Variants in TMTC2 observed in about 807,000 individuals in gnomAD.
TMTC2 encodes transmembrane O-mannosyltransferase targeting cadherins 2.
TMTC2 carries 43 observed loss-of-function variants against 82.4 expected under a neutral mutation model. The ratio of observed to expected loss-of-function variants is 0.52; its 90% CI spans 0.41 to 0.67. The LOEUF (loss-of-function observed/expected upper bound fraction) is 0.67, where lower values mean the gene tolerates loss of function less well. Ranked by LOEUF, TMTC2 falls within the 30% of genes least tolerant of loss-of-function variation. The probability of loss-of-function intolerance (pLI) is 0.00; values close to 1 mark genes in which losing one functional copy is unlikely to be tolerated. For missense variants in TMTC2, 919 were observed against 1,012.4 expected, an observed-to-expected ratio of 0.91 and a Z score of 1.25; for synonymous variants, 408 against 381.9, an observed-to-expected ratio of 1.07 and a Z score of -0.80.
At chr12:82,752,356 G>A (rs1876059292) in intron 1 of TMTC2, among the ~76,000 whole-genome samples, 1 of 151,928 alleles carries the variant, frequency 6.6e-6, no homozygotes, top group South Asian at 2.1e-4. Flanking sequence ...TCTGGTGGCT[G>A]GCGCTTGTAA....
intron 1 of TMTC2, among the ~76,000 whole-genome samples, chr12:82,774,752 T>C (rs1384212989): frequency 2.0e-5 from 3 of 151,602 alleles, no homozygotes; most frequent in African/African-American, 7.3e-5. Flanking sequence ...CAGTCTGGGC[T>C]ATACCGAGGT....
At chr12:82,831,921 T>A (rs145214438) in intron 1 of TMTC2, among the ~76,000 whole-genome samples, 1 of 152,236 alleles carries the variant, frequency 6.6e-6, no homozygotes, top group East Asian at 1.9e-4. Flanking sequence ...GGCCGAAAAA[T>A]GTGCTAAGAA....
At chr12:83,006,307 T>G (rs995835699) in intron 8 of TMTC2, among the ~76,000 whole-genome samples, 2 of 152,226 alleles carry the variant, frequency 1.3e-5, no homozygotes, top group Admixed American at 6.5e-5. Context: ...TATGTTGATT[T>G]GCTCCATATT....
At chr12:82,880,025 C>T (rs1318498648) in intron 2 of TMTC2, among the ~76,000 whole-genome samples, 1 of 152,168 alleles carries the variant, frequency 6.6e-6, no homozygotes, top group Non-Finnish European at 1.5e-5. Flanking sequence ...TATCTGGTCT[C>T]TCACAGAAAA....
intron 1 of TMTC2, among the ~76,000 whole-genome samples, chr12:82,749,739 CTTTT>C (rs71068950): frequency 7.9e-6 from 1 of 127,132 alleles, no homozygotes; most frequent in Non-Finnish European, 1.6e-5. Flanking sequence ...TTCTTTCTTT[CTTTT>C]TTTTTTTTTT....
chr12:82,955,228 A>G (rs7971263), intron 4 of TMTC2, among the ~76,000 whole-genome samples: 104,587 of 151,698 alleles, frequency 0.69, 37,638 homozygotes, highest in South Asian at 0.84. Context: ...TGTGACAAGC[A>G]TAAATGTGTC....
At chr12:82,916,787 G>A (rs541337890) in intron 3 of TMTC2, among the ~76,000 whole-genome samples, 19 of 152,092 alleles carry the variant, frequency 1.2e-4, no homozygotes, top group African/African-American at 2.9e-4. Flanking sequence ...TTGGGAATAC[G>A]TTTAGTTTCA....
intron 8 of TMTC2, among the ~76,000 whole-genome samples, chr12:82,995,228 C>G (rs1224079466): frequency 1.3e-5 from 2 of 152,066 alleles, no homozygotes; most frequent in African/African-American, 4.8e-5. Flanking sequence ...AGTGATGGTA[C>G]AGACAATATA....
intron 1 of TMTC2, among the ~76,000 whole-genome samples, chr12:82,841,507 C>T (rs1870333130): frequency 6.6e-6 from 1 of 152,144 alleles, no homozygotes; most frequent in Admixed American, 6.5e-5. Flanking sequence ...GTGTTTTCCT[C>T]CTTGCCTATC....
chr12:83,045,974 C>CA (rs1403894920), intron 9 of TMTC2, among the ~76,000 whole-genome samples: 1 of 152,112 alleles, frequency 6.6e-6, no homozygotes, highest in South Asian at 2.1e-4. Flanking sequence ...AACCCCAAGT[C>CA]AAAAGGTCAA....
chr12:82,801,398 A>G (rs2137036273), intron 1 of TMTC2, among the ~76,000 whole-genome samples: 1 of 152,222 alleles, frequency 6.6e-6, no homozygotes, highest in Middle Eastern at 3.4e-3. Context: ...AAAGAGCGAA[A>G]GAACAAAGCT....
intron 2 of TMTC2, among the ~76,000 whole-genome samples, chr12:82,860,678 G>T (rs1871496528): frequency 6.6e-6 from 1 of 152,208 alleles, no homozygotes; most frequent in African/African-American, 2.4e-5. Context: ...TGAAGTGAAA[G>T]AAGAAATGTC....
chr12:82,804,513 G>T (rs969324388), intron 1 of TMTC2, among the ~76,000 whole-genome samples: 1 of 152,028 alleles, frequency 6.6e-6, no homozygotes, highest in Admixed American at 6.5e-5. Flanking sequence ...GATAATTTTT[G>T]TTTTAATAAC....
intron 1 of TMTC2, among the ~76,000 whole-genome samples, chr12:82,706,663 A>G (rs991214472): frequency 3.3e-5 from 5 of 152,348 alleles, no homozygotes; most frequent in Admixed American, 1.3e-4. Context: ...AAGAACAAAG[A>G]TGAAAATAAA....
chr12:82,920,850 G>C (rs1875349948), intron 3 of TMTC2, among the ~76,000 whole-genome samples: 1 of 152,118 alleles, frequency 6.6e-6, no homozygotes, highest in African/African-American at 2.4e-5. Context: ...AGGGCACTAA[G>C]AAGAATGGAT....
chr12:82,944,910 CA>C (rs1876917708), intron 4 of TMTC2, among the ~76,000 whole-genome samples: 1 of 152,152 alleles, frequency 6.6e-6, no homozygotes, highest in African/African-American at 2.4e-5. Flanking sequence ...TATATGGACA[CA>C]AAGACCAAAG....
intron 4 of TMTC2, among the ~76,000 whole-genome samples, chr12:82,951,438 A>G: frequency 6.6e-6 from 1 of 152,082 alleles, no homozygotes; most frequent in Non-Finnish European, 1.5e-5. Flanking sequence ...CTACAGGCAC[A>G]TGCCGCCACG....
chr12:83,032,074 A>G (rs552281928), intron 9 of TMTC2, among the ~76,000 whole-genome samples: 2 of 151,914 alleles, frequency 1.3e-5, no homozygotes, highest in South Asian at 4.2e-4. Context: ...GGGTACCTCA[A>G]CTGTCCATGA....
chr12:82,788,597 G>A (rs1878299463), intron 1 of TMTC2, among the ~76,000 whole-genome samples: 1 of 152,038 alleles, frequency 6.6e-6, no homozygotes, highest in Non-Finnish European at 1.5e-5. Flanking sequence ...CTCCTAGAAG[G>A]ATAAGAAAAA....
Sources: allele counts gnomAD v4.1 joint callset (sites outside exome capture counted in the v4.1 genomes callset), GRCh38; gene constraint gnomAD v4.1.1; transcripts MANE v1.5; gene names NCBI Gene and HGNC (gene_info 2026-07-23, HGNC 2026-07-21).